The following DLGAP1 variants were observed in gnomAD, a reference collection of about 807,000 sequenced individuals.
The protein encoded by DLGAP1 is DLG associated protein 1.
DLGAP1 carries 11 observed loss-of-function variants against 90.8 expected under a neutral mutation model. The ratio of observed to expected loss-of-function variants is 0.12; its 90% CI spans 0.08 to 0.20. The LOEUF is 0.20. Among genes scored for constraint, DLGAP1 ranks in the 10% least tolerant of loss-of-function variants. The pLI is 1.00. For synonymous variants in DLGAP1, 558 were observed against 540.7 expected, an observed-to-expected ratio of 1.03 and a Z score of -0.44; for missense variants, 1,050 against 1,333.8, an observed-to-expected ratio of 0.79 and a Z score of 3.31.
At chr18:4,036,602 T>C (rs570157470) in intron 2 of DLGAP1, among the ~76,000 whole-genome samples, 1 of 152,340 alleles carries the variant, frequency 6.6e-6, no homozygotes, top group Admixed American at 6.5e-5. Context: ...GAACATGCGT[T>C]CTAAATACTT....
chr18:3,717,419 G>A (rs1053913635), intron 7 of DLGAP1, among the ~76,000 whole-genome samples: 1 of 152,192 alleles, frequency 6.6e-6, no homozygotes, highest in East Asian at 1.9e-4. Flanking sequence ...GAAAGAACAC[G>A]AAGTGGATGA....
chr18:4,148,899 A>T (rs778742076), intron 2 of DLGAP1, among the ~76,000 whole-genome samples: 1 of 152,128 alleles, frequency 6.6e-6, no homozygotes, highest in Non-Finnish European at 1.5e-5. Context: ...CTTTATTTTC[A>T]ATCTGTTTAA....
In DLGAP1 at chr18:3,845,363, G is replaced by C. The variant is rs1003678149; in HGVS notation, c.958-31090C>G. 1.4e-5 allele frequency: 21 copies of C among 1,536,734 alleles called. No individual in the cohort carries two copies. In the African/African-American group the frequency reaches 2.6e-4, roughly 19 times the overall value. ...TATGATTTGCCGATTCTAAGTGGTTGAGTGAGGCAGTAAACACAGGACTTG... is the reference window on the plus strand; with the variant it reads ...TATGATTTGCCGATTCTAAGTGGTTCAGTGAGGCAGTAAACACAGGACTTG... On this transcript the variant is annotated intron_variant, in intron 4 of 12. Coordinates refer to ENST00000315677, the MANE Select transcript of DLGAP1 (RefSeq NM_004746.4).
At chr18:3,600,873 G>GAT (rs1295881714) in intron 7 of DLGAP1, among the ~76,000 whole-genome samples, 100 of 7,188 alleles carry the variant, frequency 0.014, 20 homozygotes, top group Non-Finnish European at 0.028. Context: ...TAGATATATA[G>GAT]ATATATAGAT....
chr18:4,085,476 T>A (rs566080291), intron 2 of DLGAP1, among the ~76,000 whole-genome samples: 2 of 152,352 alleles, frequency 1.3e-5, no homozygotes, highest in African/African-American at 4.8e-5. Context: ...AAACTTTCTT[T>A]ACATTTTGGG....
intron 4 of DLGAP1, chr18:3,874,526 A>C (rs2070942257): frequency 6.9e-7 from 1 of 1,453,404 alleles, no homozygotes; most frequent in African/African-American, 1.4e-5. Flanking sequence ...TGCTTTTTAA[A>C]AGCAAAAACA....
intron 7 of DLGAP1, among the ~76,000 whole-genome samples, chr18:3,630,717 T>C (rs149965885): frequency 6.6e-6 from 1 of 152,346 alleles, no homozygotes; most frequent in Non-Finnish European, 1.5e-5. Flanking sequence ...GTCTGTTCTG[T>C]TGGGCTACTG....
rs181783171 is a variant in DLGAP1 at position 3,582,351 on chromosome 18, G to A, written c.1592-103C>T. The A allele has an allele frequency of 2.0e-3, 3,023 of 1,497,576 alleles. 6 individuals are homozygous for A. Among genetic ancestry groups the A allele is most frequent in the Non-Finnish European group, 2.5e-3 (2,773 of 1,122,012 alleles). 92.8% of individuals were successfully genotyped at this position (1,497,576 alleles called of 1,614,324 possible). A position where few individuals can be genotyped will look rare whatever the true frequency, so the allele number is the denominator to read the frequency against. ...GGAATTAGGGCACATGAAACACACTGAGACATTTAACAGGAAAACAAGTTC... is the reference window on the plus strand; with the variant it reads ...GGAATTAGGGCACATGAAACACACTAAGACATTTAACAGGAAAACAAGTTC... On this transcript the variant is annotated intron_variant, in intron 7 of 12. Coordinates refer to ENST00000315677, the MANE Select transcript of DLGAP1 (RefSeq NM_004746.4).
intron 3 of DLGAP1, among the ~76,000 whole-genome samples, chr18:3,992,504 C>A (rs1402145464): frequency 6.6e-6 from 1 of 152,108 alleles, no homozygotes; most frequent in Non-Finnish European, 1.5e-5. Flanking sequence ...ATGGTGAAAT[C>A]TGTTTTCTAC....
intron 3 of DLGAP1, among the ~76,000 whole-genome samples, chr18:3,892,815 G>C (rs1329247342): frequency 6.6e-6 from 1 of 151,430 alleles, no homozygotes; most frequent in African/African-American, 2.4e-5. Flanking sequence ...TTTTAGGACA[G>C]TGTGCAATTC....
chr18:4,022,357 T>C (rs2074625926), intron 2 of DLGAP1, among the ~76,000 whole-genome samples: 1 of 149,006 alleles, frequency 6.7e-6, no homozygotes, highest in Non-Finnish European at 1.5e-5. Flanking sequence ...TTATTATATA[T>C]ATATGAAATA....
intron 5 of DLGAP1, among the ~76,000 whole-genome samples, chr18:3,779,353 G>T (rs2065082927): frequency 6.6e-6 from 1 of 152,172 alleles, no homozygotes; most frequent in Non-Finnish European, 1.5e-5. Context: ...TGGGATTACA[G>T]GTGTGAGCCG....
chr18:3,782,362 C>G (rs1052456495), intron 5 of DLGAP1, among the ~76,000 whole-genome samples: 1 of 152,152 alleles, frequency 6.6e-6, no homozygotes, highest in East Asian at 1.9e-4. Flanking sequence ...GTCTCGAACT[C>G]CTGACCTCAA....
chr18:4,031,787 T>C (rs1417576052), intron 2 of DLGAP1, among the ~76,000 whole-genome samples: 2 of 152,170 alleles, frequency 1.3e-5, no homozygotes, highest in African/African-American at 2.4e-5. Context: ...CATTTTCAAG[T>C]AAGGAAATGA....
chr18:3,684,753 T>C (rs537996492), intron 7 of DLGAP1, among the ~76,000 whole-genome samples: 34 of 146,782 alleles, frequency 2.3e-4, no homozygotes, highest in Middle Eastern at 3.4e-3. Flanking sequence ...GGAGAAAAAT[T>C]GCAGAGATTC....
chr18:3,608,992 C>A (rs1341501065), intron 7 of DLGAP1, among the ~76,000 whole-genome samples: 4 of 152,150 alleles, frequency 2.6e-5, no homozygotes, highest in Non-Finnish European at 5.9e-5. Context: ...TGTGCCACCA[C>A]GCCTGGCTAA....
chr18:3,876,955 C>G (rs2148819510), intron 4 of DLGAP1, among the ~76,000 whole-genome samples: 1 of 151,696 alleles, frequency 6.6e-6, no homozygotes, highest in African/African-American at 2.4e-5. Context: ...TTTTTGATGC[C>G]CTTGATTTCA....
chr18:4,382,375 G>A (rs532140112), intron 1 of DLGAP1, among the ~76,000 whole-genome samples: 7 of 151,826 alleles, frequency 4.6e-5, no homozygotes, highest in Non-Finnish European at 8.8e-5. Flanking sequence ...TTAAAATTAT[G>A]CATTATGGTT....
At chr18:4,177,360 AC>A (rs2077126909) in intron 1 of DLGAP1, among the ~76,000 whole-genome samples, 1 of 74,320 alleles carries the variant, frequency 1.3e-5, no homozygotes, top group East Asian at 6.0e-4. Context: ...GAACACACAC[AC>A]ACACACACAC....
Sources: allele counts gnomAD v4.1 joint callset (sites outside exome capture counted in the v4.1 genomes callset), GRCh38; gene constraint gnomAD v4.1.1; transcripts MANE v1.5; gene names NCBI Gene and HGNC (gene_info 2026-07-23, HGNC 2026-07-21).